The following CEP95 variants were observed in gnomAD, a reference collection of about 807,000 sequenced individuals.
CEP95 encodes centrosomal protein of 95 kDa.
Under a neutral mutation model 111.2 loss-of-function variants are expected in CEP95, and 98 were observed. The ratio of observed to expected loss-of-function variants is 0.88; its 90% CI spans 0.75 to 1.04. The LOEUF (loss-of-function observed/expected upper bound fraction) is 1.04. CEP95 is among the 50% of genes least tolerant of loss of function. The pLI is 0.00. For missense variants in CEP95, 1,027 were observed against 977.2 expected, an observed-to-expected ratio of 1.05 and a Z score of -0.68; for synonymous variants, 323 against 327.1, an observed-to-expected ratio of 0.99 and a Z score of 0.14.
rs781796555 is a variant in CEP95 at position 64,526,127 on chromosome 17, G to T, written c.1079G>T (p.Arg360Ile). 1 of 1,613,796 alleles carries T rather than the reference G, an allele frequency of 6.2e-7. No homozygotes were observed. The highest frequency in any genetic ancestry group is 1.1e-5 in the South Asian group (1 of 91,068). Residue 360 changes from arginine (R) to isoleucine (I), a missense_variant, in exon 10 of 20, where the codon AGA becomes ATA. Physicochemically the swap from Arg to Ile is moderately conservative, Grantham distance 97. Transcript: ENST00000556440. ...SCNSPFPQRP[R>I]KRLTEQELHD... is the part of the protein sequence containing the mutation. ...AATTCACCTTTCCCCCAGAGGCCAA[G>T]AAAGAGATTAACAGAACAAGAATTA...
intron 19 of CEP95, 128 bp downstream of exon 19, chr17:64,537,240 C>G (rs1447864285): frequency 6.9e-7 from 1 of 1,443,134 alleles, no homozygotes; most frequent in Non-Finnish European, 9.2e-7. Context: ...GGACTGTACT[C>G]TCTAGGTTTG....
intron 19 of CEP95, 33 bp downstream of exon 19, chr17:64,537,145 T>C (rs1968714879): frequency 6.2e-7 from 1 of 1,600,528 alleles, no homozygotes; most frequent in Middle Eastern, 1.7e-4. Flanking sequence ...AGTCATGCAC[T>C]GCATGGCAAT....
At chr17:64,524,649 TAATG>T (rs1485429551) in intron 8 of CEP95, among the ~76,000 whole-genome samples, 4 of 152,166 alleles carry the variant, frequency 2.6e-5, no homozygotes, top group Admixed American at 6.5e-5. Context: ...TAGAAAAAGA[TAATG>T]AAGTGAAATT....
At chr17:64,536,414 A>C (rs1555681543) in intron 17 of CEP95, 188 bp from the exon 18 acceptor site, 2 of 414,310 alleles carry the variant, frequency 4.8e-6, no homozygotes, top group Non-Finnish European at 8.7e-6. Context: ...GCCCCACTAC[A>C]CTCCAGCCTG....
intron 8 of CEP95, among the ~76,000 whole-genome samples, chr17:64,524,444 C>T (rs1555678629): frequency 6.6e-6 from 1 of 151,928 alleles, no homozygotes; most frequent in African/African-American, 2.4e-5. Flanking sequence ...GTAGCTGGGA[C>T]TACAGGCACA....
At chr17:64,536,503 TTA>T in intron 17 of CEP95, 97 bp from the exon 18 acceptor site, 1 of 837,636 alleles carries the variant, frequency 1.2e-6, no homozygotes. Context: ...AAACTAGTAT[TTA>T]AAAAAAAAAA....
At position 64,529,361 on chromosome 17, in the gene CEP95, G is replaced by A. The variant is rs1968099605; in HGVS notation, c.1380G>A (p.Gln460=). 6.2e-7 allele frequency: 1 copy of A among 1,613,674 alleles called. No homozygotes were observed. Among genetic ancestry groups the A allele is most frequent in the Non-Finnish European group, 8.5e-7 (1 of 1,179,806 alleles). Reference sequence around the variant, plus strand: ...CATCTCCAGTTAACAAACACAAACAGTTCCACTTGGAGAGAAAAAGGCAGC... The same window carrying A: ...CATCTCCAGTTAACAAACACAAACAATTCCACTTGGAGAGAAAAAGGCAGC... ...LSPSPVNKHK[Q]FHLERKRQRK... The change falls in exon 12 of 20, where the codon CAG becomes CAA. Residue 460 remains glutamine (Q), a synonymous_variant. Coordinates refer to ENST00000556440, the MANE Select transcript of CEP95 (RefSeq NM_138363.3).
At position 64,514,114 on chromosome 17, in the gene CEP95, A is replaced by T. The variant is rs550268443; in HGVS notation, c.257-134A>T. The T allele has an allele frequency of 3.1e-5, 14 of 456,512 alleles. No individual in the cohort carries two copies. In the East Asian group the frequency reaches 3.2e-4, roughly 10 times the overall value. The allele number at this position is 456,512 out of a possible 1,614,324, so 28.3% of individuals were successfully genotyped here. A position where few individuals can be genotyped will look rare whatever the true frequency, so the allele number is the denominator to read the frequency against. Reference sequence around the variant, plus strand: ...GTATTCTTTTTTTTATTTAATCTCCAAGGAGCTGTAAGTTGGTATGTATCG... The same window carrying T: ...GTATTCTTTTTTTTATTTAATCTCCTAGGAGCTGTAAGTTGGTATGTATCG... On this transcript the variant is annotated intron_variant, in intron 3 of 19. Transcript: ENST00000556440.
intron 3 of CEP95, 46 bp from the exon 4 acceptor site, chr17:64,514,202 A>G (rs2144368295): frequency 1.3e-6 from 1 of 752,154 alleles, no homozygotes; most frequent in Non-Finnish European, 2.2e-6. Context: ...TGAAGCTTTC[A>G]GATTTCATGG....
intron 1 of CEP95, chr17:64,507,420 G>A (rs1400064163): frequency 7.4e-7 from 1 of 1,358,996 alleles, no homozygotes; most frequent in Non-Finnish European, 9.5e-7. Context: ...TTTCTGTGGG[G>A]CGTCTAGCCG....
rs2038822697 is a variant in CEP95, at chr17:64,510,241, G to A, written c.217G>A (p.Ala73Thr). Residue 73 changes from alanine (A) to threonine (T), a missense_variant, in exon 3 of 20, where the codon GCC becomes ACC. Ala to Thr is a moderately conservative substitution (Grantham distance 58, BLOSUM62 0). Coordinates refer to ENST00000556440, the MANE Select transcript of CEP95 (RefSeq NM_138363.3). The stretch of plus-strand genomic sequence containing the variant: ...TGTACAAGCAGTAATTGATTCACTG[G>A]CCTTGGACTACTTGCAGGTCAGCTT... ...HNVQAVIDSL[A>T]LDYLQVSLSH... 1.1e-5 allele frequency: 17 copies of A among 1,611,362 alleles called. No homozygotes were observed. Among genetic ancestry groups the A allele is most frequent in the Non-Finnish European group, 1.4e-5 (17 of 1,178,500 alleles).
intron 3 of CEP95, among the ~76,000 whole-genome samples, chr17:64,513,767 T>G (rs1437997343): frequency 6.6e-6 from 1 of 152,066 alleles, no homozygotes; most frequent in African/African-American, 2.4e-5. Flanking sequence ...AGTTTATTGT[T>G]TTTTTTTGTT....
chr17:64,522,357 C>T (rs1046785514), intron 7 of CEP95, among the ~76,000 whole-genome samples: 12 of 151,830 alleles, frequency 7.9e-5, no homozygotes, highest in East Asian at 1.9e-4. Flanking sequence ...AAATTACATC[C>T]GGGGCCAGTC....
chr17:64,513,770 TTTTTGTTG>T (rs2039005815), intron 3 of CEP95, among the ~76,000 whole-genome samples: 1 of 152,178 alleles, frequency 6.6e-6, no homozygotes, highest in Admixed American at 6.5e-5. Context: ...TTATTGTTTT[TTTTTGTTG>T]TTTTGATGTT....
intron 6 of CEP95, among the ~76,000 whole-genome samples, chr17:64,521,043 G>A (rs1166561925): frequency 6.6e-6 from 1 of 152,196 alleles, no homozygotes; most frequent in East Asian, 1.9e-4. Flanking sequence ...AGGAGTTCGA[G>A]ACCAGCCTGG....
Position 64,521,451 on chromosome 17 carries a change from A to G in CEP95, c.639A>G (p.Pro213=), listed in dbSNP as rs1555677807. 3 of 1,612,834 alleles carry G rather than the reference A, an allele frequency of 1.9e-6. No homozygotes were observed. Among genetic ancestry groups the G allele is most frequent in the Non-Finnish European group, 8.5e-7 (1 of 1,178,964 alleles). Residue 213 remains proline, a synonymous_variant, in exon 7 of 20, where the codon CCA becomes CCG. Transcript: ENST00000556440. ...EMLSKKALAS[P]SSKSHEDMLY... Reference sequence around the variant, plus strand: ...TGTCTAAAAAAGCCTTAGCCTCACCAAGTTCTAAATCACATGAAGATATGT... The same window carrying G: ...TGTCTAAAAAAGCCTTAGCCTCACCGAGTTCTAAATCACATGAAGATATGT...
intron 5 of CEP95, 35 bp downstream of exon 5, chr17:64,516,863 A>G: frequency 1.6e-6 from 2 of 1,275,980 alleles, no homozygotes; most frequent in African/African-American, 1.5e-5. Flanking sequence ...GATGAAAACA[A>G]GTTACGCTTT....
intron 3 of CEP95, 81 bp downstream of exon 3, chr17:64,510,361 C>A: frequency 2.3e-6 from 2 of 888,550 alleles, no homozygotes; most frequent in Non-Finnish European, 3.6e-6. Flanking sequence ...TTTACTTAAC[C>A]AAATGAGTGA....
intron 11 of CEP95, among the ~76,000 whole-genome samples, chr17:64,527,893 C>G (rs73993975): frequency 8.5e-6 from 1 of 118,134 alleles, no homozygotes; most frequent in Non-Finnish European, 1.7e-5. Flanking sequence ...TATATATATA[C>G]ACACACACAC....
Sources: gnomAD v4.1 joint callset for allele counts (sites outside exome capture counted in the v4.1 genomes callset) on GRCh38, gnomAD v4.1.1 for gene constraint, MANE v1.5 for transcripts, NCBI Gene and HGNC (gene_info 2026-07-23, HGNC 2026-07-21) for gene names.